Variants in GLP2R observed in about 807,000 individuals in gnomAD.
GLP2R encodes the protein glucagon like peptide 2 receptor.
In GLP2R, 59 loss-of-function variants were observed where a neutral mutation model predicts 68.2. The ratio of observed to expected loss-of-function variants is 0.87; its 90% confidence interval spans 0.70 to 1.07. The LOEUF is 1.07. GLP2R is among the 50% of genes least tolerant of loss of function. The pLI is 0.00. For synonymous variants in GLP2R, 270 were observed against 265.4 expected, an observed-to-expected ratio of 1.02 and a Z score of -0.17; for missense variants, 548 against 677.4, an observed-to-expected ratio of 0.81 and a Z score of 2.12.
intron 10 of GLP2R, among the ~76,000 whole-genome samples, chr17:9,877,894 AAC>A (rs1491460395): frequency 6.7e-5 from 10 of 149,098 alleles, no homozygotes; most frequent in East Asian, 1.9e-4. Flanking sequence ...AAAAAAAAAA[AAC>A]GTTAGGGAAA....
chr17:9,874,966 T>G (rs1567735394), intron 10 of GLP2R, among the ~76,000 whole-genome samples: 1 of 152,228 alleles, frequency 6.6e-6, no homozygotes, highest in Non-Finnish European at 1.5e-5. Flanking sequence ...AGATAGGCAC[T>G]GAGAACGTCC....
At chr17:9,826,305 T>C (rs1298824757) in intron 1 of GLP2R, 53 bp downstream of exon 1, 6 of 1,383,660 alleles carry the variant, frequency 4.3e-6, no homozygotes, top group Non-Finnish European at 5.8e-6. Context: ...CTGATTTTTT[T>C]TTAAAGAAGC....
At chr17:9,846,241 A>G (rs1208315450) in intron 4 of GLP2R, among the ~76,000 whole-genome samples, 1 of 152,208 alleles carries the variant, frequency 6.6e-6, no homozygotes, top group Non-Finnish European at 1.5e-5. Context: ...AATTGCATAC[A>G]GATTGTGCAA....
chr17:9,869,660 G>A (rs2067074282), intron 9 of GLP2R, among the ~76,000 whole-genome samples: 1 of 152,162 alleles, frequency 6.6e-6, no homozygotes, highest in Non-Finnish European at 1.5e-5. Context: ...TACCCCACGT[G>A]GATCTCCCAA....
chr17:9,864,498 G>A (rs967879189), intron 9 of GLP2R, among the ~76,000 whole-genome samples: 3 of 146,316 alleles, frequency 2.1e-5, no homozygotes, highest in Non-Finnish European at 2.9e-5. Flanking sequence ...TTGTTTGTTT[G>A]TTTGTTTGTT....
intron 3 of GLP2R, among the ~76,000 whole-genome samples, chr17:9,837,153 C>A (rs78122706): frequency 0.02 from 2,996 of 152,198 alleles, 84 homozygotes; most frequent in African/African-American, 0.068. Context: ...TGCGCCTGGC[C>A]GATTAAGTTA....
intron 5 of GLP2R, among the ~76,000 whole-genome samples, chr17:9,855,214 A>C (rs1283113093): frequency 6.6e-6 from 1 of 152,194 alleles, no homozygotes; most frequent in East Asian, 1.9e-4. Flanking sequence ...TGGATGTGTC[A>C]TGAATCATCA....
intron 11 of GLP2R, among the ~76,000 whole-genome samples, chr17:9,883,668 A>T (rs1353685964): frequency 6.6e-6 from 1 of 152,242 alleles, no homozygotes; most frequent in East Asian, 1.9e-4. Flanking sequence ...CTGACTACTC[A>T]TCAGAACAAT....
intron 6 of GLP2R, among the ~76,000 whole-genome samples, chr17:9,858,806 G>T (rs375436922): frequency 1.1e-4 from 17 of 152,278 alleles, no homozygotes; most frequent in African/African-American, 4.1e-4. Context: ...GGATCTGTAA[G>T]AGTGTTCTCA....
intron 11 of GLP2R, among the ~76,000 whole-genome samples, chr17:9,887,319 G>A (rs946594894): frequency 6.6e-6 from 1 of 152,128 alleles, no homozygotes; most frequent in African/African-American, 2.4e-5. Context: ...CTGAGGTCAG[G>A]AGTTTGAGAC....
intron 12 of GLP2R, among the ~76,000 whole-genome samples, chr17:9,889,065 G>A (rs1253734952): frequency 6.6e-6 from 1 of 152,136 alleles, no homozygotes; most frequent in African/African-American, 2.4e-5. Flanking sequence ...TGCTTCTTCT[G>A]TATCTTCATG....
At chr17:9,880,275 T>C (rs1435305594) in intron 10 of GLP2R, 103 bp from the exon 11 acceptor site, 7 of 702,192 alleles carry the variant, frequency 1.0e-5, no homozygotes, top group Middle Eastern at 2.5e-4. Context: ...GAAACAACTA[T>C]CAATATGGTA....
rs61733939 is a variant in GLP2R at position 9,889,457 on chromosome 17, C to T, written c.1414C>T (p.Arg472Trp). 3,114 of 1,613,994 alleles carry T rather than the reference C, an allele frequency of 1.9e-3. 54 individuals carry two copies. The African/African-American group carries it at 0.032, about 16-fold the overall frequency. Residue 472 changes from arginine to tryptophan, a missense_variant, in exon 13 of 13, where the codon CGG (arginine) becomes TGG (tryptophan). Physicochemically the swap from Arg to Trp is moderately radical, Grantham distance 101 (BLOSUM62 -3). Transcript: ENST00000262441. Reference sequence around the variant, plus strand: ...AGCCTGTGTCCTGGGGAAGGACTTCCGGTTCCTAGGAAAATGTCCCAAGAA... The same window carrying T: ...AGCCTGTGTCCTGGGGAAGGACTTCTGGTTCCTAGGAAAATGTCCCAAGAA... ...CRACVLGKDFRFLGKCPKKLS... is the reference protein window; with the variant it reads ...CRACVLGKDFWFLGKCPKKLS...
chr17:9,852,633 T>C (rs8078339), intron 4 of GLP2R: 69,674 of 172,916 alleles, frequency 0.4, 16,299 homozygotes, highest in African/African-American at 0.65. Flanking sequence ...AAAGACAATA[T>C]GAAAATAAAT....
intron 3 of GLP2R, among the ~76,000 whole-genome samples, chr17:9,840,619 A>T (rs935889278): frequency 6.6e-6 from 1 of 152,226 alleles, no homozygotes; most frequent in Non-Finnish European, 1.5e-5. Context: ...ATAAGTGCAG[A>T]CTATGTTTGA....
chr17:9,866,440 C>G (rs1016989425), intron 9 of GLP2R: 1 of 154,564 alleles, frequency 6.5e-6, no homozygotes, highest in African/African-American at 2.4e-5. Flanking sequence ...CACAGAACCA[C>G]CCCCAGAATA....
chr17:9,849,570 T>A (rs1187909570), intron 4 of GLP2R, among the ~76,000 whole-genome samples: 1 of 151,390 alleles, frequency 6.6e-6, no homozygotes, highest in Non-Finnish European at 1.5e-5. Context: ...GCCACTGTCC[T>A]ATGACCATCT....
chr17:9,874,236 C>T (rs1287831562), intron 10 of GLP2R, among the ~76,000 whole-genome samples: 1 of 152,128 alleles, frequency 6.6e-6, no homozygotes, highest in African/African-American at 2.4e-5. Flanking sequence ...CTGGGGAGAC[C>T]CTCATGGCTG....
intron 4 of GLP2R, among the ~76,000 whole-genome samples, chr17:9,846,546 G>A (rs12602585): frequency 6.6e-6 from 1 of 152,088 alleles, no homozygotes; most frequent in South Asian, 2.1e-4. Context: ...TAAGCCCCAG[G>A]AGGTTGAGAC....
Sources: gnomAD v4.1 joint callset for allele counts (sites outside exome capture counted in the v4.1 genomes callset) on GRCh38, gnomAD v4.1.1 for gene constraint, MANE v1.5 for transcripts, NCBI Gene and HGNC (gene_info 2026-07-23, HGNC 2026-07-21) for gene names.